The following SLC25A14 variants were observed in gnomAD, a reference collection of about 807,000 sequenced individuals.
SLC25A14 encodes solute carrier family 25 member 14.
A neutral mutation model predicts 28.1 loss-of-function variants in SLC25A14; 8 were observed. That is an observed-to-expected ratio of 0.28 (90% confidence interval 0.17 to 0.51). SLC25A14 has a LOEUF of 0.51. Among genes scored for constraint, SLC25A14 ranks in the 20% least tolerant of loss-of-function variants. SLC25A14 has a pLI of 0.97. For missense variants in SLC25A14, 135 were observed against 263.8 expected, an observed-to-expected ratio of 0.51 and a Z score of 3.38; for synonymous variants, 74 against 90.6, an observed-to-expected ratio of 0.82 and a Z score of 1.04.
Position 130,373,048 on chromosome X carries a change from C to T in SLC25A14, c.*98C>T. ...TTTTGACAATGTTGTAAGTGTTTAC[C>T]AAGCCGTTGGTCTCCTAAGGGCCTC... On this transcript the variant is annotated 3_prime_UTR_variant, in exon 11 of 11. Transcript: ENST00000545805. 1 of 681,771 alleles carries T rather than the reference C, an allele frequency of 1.5e-6. No homozygotes were observed. Among genetic ancestry groups the T allele is most frequent in the Non-Finnish European group, 2.2e-6 (1 of 444,552 alleles). 56.2% of individuals were successfully genotyped at this position (681,771 alleles called of 1,213,427 possible).
At chrX:130,367,306 G>C (rs1246831999) in intron 9 of SLC25A14, among the ~76,000 whole-genome samples, 1 of 111,669 alleles carries the variant, frequency 9.0e-6, no homozygotes, top group Non-Finnish European at 1.9e-5. Flanking sequence ...TGATTGACTG[G>C]ATGTGGAGGG....
chrX:130,367,987 G>A (rs1011576859), intron 9 of SLC25A14, among the ~76,000 whole-genome samples: 1 of 112,105 alleles, frequency 8.9e-6, no homozygotes, highest in South Asian at 3.7e-4. Flanking sequence ...CACCATGTTG[G>A]TCAGGCTGGT....
intron 7 of SLC25A14, among the ~76,000 whole-genome samples, chrX:130,362,200 G>A (rs1467245396): frequency 9.2e-6 from 1 of 108,165 alleles, no homozygotes; most frequent in African/African-American, 3.4e-5. Flanking sequence ...GCAGTGGCGC[G>A]ATCTCGGCTC....
chrX:130,368,137 G>A (rs1369536619), intron 9 of SLC25A14, among the ~76,000 whole-genome samples: 1 of 112,411 alleles, frequency 8.9e-6, no homozygotes, highest in Non-Finnish European at 1.9e-5. Flanking sequence ...CACCAAAGAC[G>A]AGGAAACTTA....
intron 4 of SLC25A14, among the ~76,000 whole-genome samples, 195 bp from the exon 5 acceptor site, chrX:130,349,056 T>A (rs1165753597): frequency 9.1e-6 from 1 of 110,252 alleles, no homozygotes; most frequent in Non-Finnish European, 1.9e-5. Context: ...ATGATTTCAG[T>A]TCTTTTAAAT....
intron 4 of SLC25A14, among the ~76,000 whole-genome samples, chrX:130,348,791 C>A (rs865955402): frequency 4.5e-5 from 3 of 66,698 alleles, no homozygotes; most frequent in Admixed American, 1.7e-4. Flanking sequence ...CCCCCCCCCC[C>A]CCTTTTTTTT....
At chrX:130,364,388 CT>C (rs770137935) in intron 7 of SLC25A14, among the ~76,000 whole-genome samples, 1,383 of 106,446 alleles carry the variant, frequency 0.013, 19 homozygotes, top group African/African-American at 0.045. Flanking sequence ...TCCAGTTGAT[CT>C]TTTTTTTTTC....
Position 130,339,962 on chromosome X carries a change from G to C in SLC25A14, c.-187G>C, listed in dbSNP as rs967844094. 1.7e-5 allele frequency: 15 copies of C among 859,989 alleles called. No individual in the cohort carries two copies. The highest frequency in any genetic ancestry group is 7.1e-5 in the East Asian group (1 of 13,998). The allele number at this position is 859,989 out of a possible 1,213,427, so 70.9% of individuals were successfully genotyped here. Reference sequence around the variant, plus strand: ...GGGAGCCTCAGCTTCCCAGTCGTCCGATGAGCCCGAGCAGGTGAGGGGGAG... The same window carrying C: ...GGGAGCCTCAGCTTCCCAGTCGTCCCATGAGCCCGAGCAGGTGAGGGGGAG... On this transcript the variant is annotated 5_prime_UTR_variant, in exon 1 of 11. Transcript: ENST00000545805.
chrX:130,344,734 G>A (rs1385804565), intron 2 of SLC25A14, among the ~76,000 whole-genome samples: 2 of 111,817 alleles, frequency 1.8e-5, no homozygotes, highest in African/African-American at 6.5e-5. Context: ...TGAGAGAGTA[G>A]TAGTGTGAGC....
At chrX:130,358,448 C>G (rs1297399613) in intron 6 of SLC25A14, among the ~76,000 whole-genome samples, 192 bp from the exon 7 acceptor site, 3 of 112,270 alleles carry the variant, frequency 2.7e-5, no homozygotes, top group African/African-American at 9.7e-5. Flanking sequence ...ATAAAATACA[C>G]TTTGACACAA....
intron 6 of SLC25A14, among the ~76,000 whole-genome samples, chrX:130,357,438 T>G (rs2033827181): frequency 8.9e-6 from 1 of 111,941 alleles, no homozygotes; most frequent in African/African-American, 3.2e-5. Flanking sequence ...ATTTCATGCC[T>G]AAGAAAAGTA....
intron 6 of SLC25A14, 44 bp downstream of exon 6, chrX:130,350,775 T>TA: frequency 1.1e-6 from 1 of 890,294 alleles, no homozygotes; most frequent in Admixed American, 2.6e-5. Flanking sequence ...TAACTTTGAG[T>TA]CAGATTTGGG....
chrX:130,351,693 T>A (rs1197167664), intron 6 of SLC25A14, among the ~76,000 whole-genome samples: 3 of 111,597 alleles, frequency 2.7e-5, no homozygotes, highest in South Asian at 3.7e-4. Flanking sequence ...CATGCTTTTT[T>A]AAATTTGACC....
chrX:130,371,841 T>A (rs904275979), intron 10 of SLC25A14, among the ~76,000 whole-genome samples, 197 bp downstream of exon 10: 5 of 111,984 alleles, frequency 4.5e-5, no homozygotes, highest in Non-Finnish European at 9.4e-5. Flanking sequence ...ATAGAAAAGA[T>A]ATGTCAAACT....
At chrX:130,368,312 A>G (rs988306887) in intron 9 of SLC25A14, among the ~76,000 whole-genome samples, 2 of 112,377 alleles carry the variant, frequency 1.8e-5, no homozygotes, top group African/African-American at 6.5e-5. Flanking sequence ...GCAAAAGCCA[A>G]TTGCTGTGCA....
Position 130,351,009 on chromosome X carries a change from A to G in SLC25A14, c.498+278A>G, listed in dbSNP as rs73634085. ...AGTTTATTATGATATGTGTTAATCC[A>G]CTGGTCCTCACACTGGGGTATGCAA... On this transcript the variant is annotated intron_variant, in intron 6 of 10. Coordinates refer to ENST00000545805, the MANE Select transcript of SLC25A14 (RefSeq NM_001282195.2). 7.4e-3 allele frequency among the ~76,000 whole-genome samples: 828 copies of G among 111,722 alleles called. 13 individuals carry two copies. Among genetic ancestry groups the G allele is most frequent in the African/African-American group, 0.026 (787 of 30,836 alleles).
intron 9 of SLC25A14, among the ~76,000 whole-genome samples, chrX:130,371,231 A>G (rs2124775238): frequency 8.9e-6 from 1 of 111,882 alleles, no homozygotes; most frequent in African/African-American, 3.2e-5. Context: ...GACACAGACC[A>G]AATACTATGG....
At chrX:130,365,456 T>C in intron 8 of SLC25A14, 85 bp from the exon 9 acceptor site, 1 of 1,174,884 alleles carries the variant, frequency 8.5e-7, no homozygotes. Flanking sequence ...CTGAGTTATA[T>C]TGTACAGTTT....
chrX:130,369,055 T>G (rs2034198496), intron 9 of SLC25A14, among the ~76,000 whole-genome samples: 1 of 112,573 alleles, frequency 8.9e-6, no homozygotes, highest in South Asian at 3.7e-4. Flanking sequence ...AGAAGTTCTT[T>G]GTTTTCACAC....
Sources: gnomAD v4.1 joint callset for allele counts (sites outside exome capture counted in the v4.1 genomes callset) on GRCh38, gnomAD v4.1.1 for gene constraint, MANE v1.5 for transcripts, NCBI Gene and HGNC (gene_info 2026-07-23, HGNC 2026-07-21) for gene names.